The following WNT3A variants were observed in gnomAD, a reference collection of about 807,000 sequenced individuals.
WNT3A encodes the protein Wnt family member 3A, also known as protein Wnt-3a.
In WNT3A, 17 loss-of-function variants were observed where a neutral mutation model predicts 37.0. The ratio of observed to expected loss-of-function variants is 0.46; its 90% CI spans 0.31 to 0.69. The LOEUF is 0.69. WNT3A is among the 30% of genes least tolerant of loss of function. The probability of loss-of-function intolerance (pLI) is 0.05; values close to 1 mark genes in which losing one functional copy is unlikely to be tolerated. For synonymous variants in WNT3A, 187 were observed against 211.0 expected (o/e 0.89, Z 0.99); for missense variants, 411 against 510.2 (o/e 0.81, Z 1.87).
At position 228,059,470 on chromosome 1, in the gene WNT3A, C is replaced by G. The variant is rs764471622; in HGVS notation, c.*5C>G. The G allele has an allele frequency of 3.3e-6, 5 of 1,494,988 alleles. No homozygotes were observed. In the East Asian group the frequency reaches 9.4e-5, roughly 28 times the overall value. 92.6% of individuals were successfully genotyped at this position (1,494,988 alleles called of 1,614,324 possible). ...GACGTGCACACCTGCAAGTAGGCACCGGCCGCGGCTCCCCCTGGACGGGGC... is the reference window on the plus strand; with the variant it reads ...GACGTGCACACCTGCAAGTAGGCACGGGCCGCGGCTCCCCCTGGACGGGGC... On this transcript the variant is annotated 3_prime_UTR_variant, in exon 4 of 4. Coordinates refer to ENST00000284523, the MANE Select transcript of WNT3A (RefSeq NM_033131.4).
chr1:228,017,115 C>T (rs1469703121), intron 1 of WNT3A, among the ~76,000 whole-genome samples: 1 of 152,194 alleles, frequency 6.6e-6, no homozygotes, highest in Non-Finnish European at 1.5e-5. Flanking sequence ...CTGTATTAGC[C>T]GGTGGCTGTG....
At chr1:228,036,181 C>G (rs1373012398) in intron 2 of WNT3A, among the ~76,000 whole-genome samples, 1 of 152,218 alleles carries the variant, frequency 6.6e-6, no homozygotes, top group Non-Finnish European at 1.5e-5. Flanking sequence ...CACAGGGTGC[C>G]TGACCACCCC....
Position 228,007,259 on chromosome 1 carries a change from CCCCTCGGGCAGGGA to C in WNT3A, c.71+64_71+77del. ...GTGCGCCGCGCCCGCAGCAGACGGT[CCCCTCGGGCAGGGA>C]CCCCGCGGTGGCCCGAGCCCGCGCC... On this transcript the variant is annotated intron_variant, in intron 1 of 3. Coordinates refer to ENST00000284523, the MANE Select transcript of WNT3A (RefSeq NM_033131.4). The surrounding 1 kb of genome is among the most constrained non-coding windows in gnomAD (Gnocchi z 6.0). 2 of 1,534,736 alleles carry C rather than the reference CCCCTCGGGCAGGGA, an allele frequency of 1.3e-6. No individual in the cohort carries two copies.
In WNT3A at chr1:228,048,006, G is replaced by A. The variant is rs114409616; in HGVS notation, c.314-2650G>A. ...CAGACTACATCAGCCCCATCCACCC[G>A]AGGATGAAAGCTCCCTGGATGTCCA... On this transcript the variant is annotated intron_variant, in intron 2 of 3. Transcript: ENST00000284523. Among the ~76,000 whole-genome samples, 901 of 152,234 alleles carry A rather than the reference G, an allele frequency of 5.9e-3. 11 individuals carry two copies. Among genetic ancestry groups the A allele is most frequent in the African/African-American group, 0.021 (868 of 41,520 alleles).
At chr1:228,041,173 G>A (rs79352133) in intron 2 of WNT3A, among the ~76,000 whole-genome samples, 8,486 of 151,798 alleles carry the variant, frequency 0.056, 810 homozygotes, top group African/African-American at 0.19. Context: ...ACCTAGAAAC[G>A]AAGGATTTGT....
In WNT3A at chr1:228,050,790, T is replaced by G; in HGVS notation, c.448T>G (p.Trp150Gly). ...CCACCAGGGCTCACCAGGCAAGGGC[T>G]GGAAGTGGGGTGGCTGTAGCGAGGA... is the stretch of plus-strand genomic sequence containing the variant. Reference protein sequence around the residue: ...SRHQGSPGKGWKWGGCSEDIE... With the variant: ...SRHQGSPGKGGKWGGCSEDIE... Residue 150 changes from tryptophan to glycine, a missense_variant, in exon 3 of 4, where the codon TGG becomes GGG. Physicochemically the swap from Trp to Gly is radical, Grantham distance 184. Coordinates refer to ENST00000284523, the MANE Select transcript of WNT3A (RefSeq NM_033131.4). The surrounding 1 kb of genome is among the most constrained non-coding windows in gnomAD (Gnocchi z 5.0). 1.2e-6 allele frequency: 2 copies of G among 1,613,734 alleles called. No homozygotes were observed. The highest frequency in any genetic ancestry group is 1.7e-6 in the Non-Finnish European group (2 of 1,179,918).
chr1:228,019,857 G>A (rs972999397), intron 1 of WNT3A, among the ~76,000 whole-genome samples: 1 of 152,224 alleles, frequency 6.6e-6, no homozygotes, highest in Non-Finnish European at 1.5e-5. Context: ...CCATAGAATG[G>A]GTGAAGGGGA....
At chr1:228,046,767 G>GGTGTGCATGT (rs551414089) in intron 2 of WNT3A, among the ~76,000 whole-genome samples, 1 of 149,202 alleles carries the variant, frequency 6.7e-6, no homozygotes, top group African/African-American at 2.5e-5. Flanking sequence ...TGTGTGGTGG[G>GGTGTGCATGT]GTGTGCATGT....
intron 1 of WNT3A, among the ~76,000 whole-genome samples, chr1:228,019,891 G>A (rs2030653716): frequency 1.3e-5 from 2 of 152,198 alleles, no homozygotes; most frequent in African/African-American, 4.8e-5. Context: ...ATGGAATGGA[G>A]GCACCTCACC....
chr1:228,055,081 C>T (rs1330206471), intron 3 of WNT3A, among the ~76,000 whole-genome samples: 2 of 142,184 alleles, frequency 1.4e-5, no homozygotes, highest in South Asian at 2.2e-4. Flanking sequence ...TTGTGGTGAG[C>T]TGAGAGTGCA....
At chr1:228,018,461 G>A (rs1185095844) in intron 1 of WNT3A, among the ~76,000 whole-genome samples, 1 of 150,244 alleles carries the variant, frequency 6.7e-6, no homozygotes, top group Non-Finnish European at 1.5e-5. Context: ...GGTGTAATCA[G>A]AGCTCACTGT....
rs1042792450 is a variant in WNT3A, at chr1:228,007,999, A to G, written c.71+800A>G. Among the ~76,000 whole-genome samples, 2 of 152,224 alleles carry G rather than the reference A, an allele frequency of 1.3e-5. No homozygotes were observed. Among genetic ancestry groups the G allele is most frequent in the African/African-American group, 4.8e-5 (2 of 41,468 alleles). On this transcript the variant is annotated intron_variant, in intron 1 of 3. Coordinates refer to ENST00000284523, the MANE Select transcript of WNT3A (RefSeq NM_033131.4). This position sits in a 1 kb window ranked among gnomAD's most constrained non-coding sequence, Gnocchi z 6.0. ...CTCCCCAGCCTGGCGATGGAAGTGCAGATAAACCAAAGGAAGGGTCCCGAA... is the reference window on the plus strand; with the variant it reads ...CTCCCCAGCCTGGCGATGGAAGTGCGGATAAACCAAAGGAAGGGTCCCGAA...
chr1:228,043,498 C>G (rs2031336262), intron 2 of WNT3A, among the ~76,000 whole-genome samples: 1 of 152,236 alleles, frequency 6.6e-6, no homozygotes. Context: ...TCTGGGATGG[C>G]TGGCACTTCC....
chr1:228,026,968 G>A (rs1053061479), intron 2 of WNT3A, among the ~76,000 whole-genome samples: 2 of 151,802 alleles, frequency 1.3e-5, no homozygotes, highest in East Asian at 3.9e-4. Context: ...TCAGCCTCCC[G>A]AGTAGCTGGG....
In WNT3A at chr1:228,038,839, A is replaced by C. The variant is rs1168539697; in HGVS notation, c.314-11817A>C. ...GGTGCATGGAAAGGGCTGGCAGATC[A>C]GGCAGGGGGAAGGCCTGTGGGGTGG... On this transcript the variant is annotated intron_variant, in intron 2 of 3. Transcript: ENST00000284523. This position sits in a 1 kb window ranked among gnomAD's most constrained non-coding sequence, Gnocchi z 5.7. Among the ~76,000 whole-genome samples the C allele has an allele frequency of 6.6e-6, 1 of 152,170 alleles. No individual in the cohort carries two copies. The highest frequency in any genetic ancestry group is 1.5e-5 in the Non-Finnish European group (1 of 68,018).
chr1:228,009,410 G>A (rs1431326520), intron 1 of WNT3A, among the ~76,000 whole-genome samples: 2 of 152,166 alleles, frequency 1.3e-5, no homozygotes, highest in African/African-American at 2.4e-5. Context: ...TTAATAGCCG[G>A]GGAAGATTCT....
In WNT3A at chr1:228,042,846, G is replaced by T. The variant is rs1210156797; in HGVS notation, c.314-7810G>T. ...GGATGATGGATGGATGTGGATGACA[G>T]ATGATGGGTGATGGGTGGATGGATA... On this transcript the variant is annotated intron_variant, in intron 2 of 3. Coordinates refer to ENST00000284523, the MANE Select transcript of WNT3A (RefSeq NM_033131.4). The surrounding 1 kb of genome is among the most constrained non-coding windows in gnomAD (Gnocchi z 5.2). 1.3e-5 allele frequency among the ~76,000 whole-genome samples: 2 copies of T among 151,726 alleles called. No individual in the cohort carries two copies. The highest frequency in any genetic ancestry group is 2.9e-5 in the Non-Finnish European group (2 of 67,874).
chr1:228,009,454 TCTC>T (rs1396529190), intron 1 of WNT3A, among the ~76,000 whole-genome samples: 1 of 152,120 alleles, frequency 6.6e-6, no homozygotes, highest in Non-Finnish European at 1.5e-5. Flanking sequence ...CAGTAGAGCA[TCTC>T]CTCCTTTCTC....
chr1:228,044,659 G>A (rs1188612373), intron 2 of WNT3A, among the ~76,000 whole-genome samples: 1 of 152,224 alleles, frequency 6.6e-6, no homozygotes, highest in African/African-American at 2.4e-5. Context: ...TTCAGGCAAG[G>A]TTAACTCAGT....
Sources: allele counts gnomAD v4.1 joint callset (sites outside exome capture counted in the v4.1 genomes callset), GRCh38; gene constraint gnomAD v4.1.1; non-coding constraint Gnocchi (gnomAD v3.1); transcripts MANE v1.5; gene names NCBI Gene and HGNC (gene_info 2026-07-23, HGNC 2026-07-21).